DAB2IP: variants seen among roughly 807,000 people sequenced by gnomAD.
The protein encoded by DAB2IP is DAB2 interacting protein.
Under a neutral mutation model 107.2 loss-of-function variants are expected in DAB2IP, and 28 were observed. The observed-to-expected ratio is 0.26, with a 90% CI of 0.19 to 0.36. The LOEUF (loss-of-function observed/expected upper bound fraction) is 0.36, where lower values mean the gene tolerates loss of function less well. Among genes scored for constraint, DAB2IP ranks in the 10% least tolerant of loss-of-function variants. DAB2IP has a pLI of 1.00. For missense variants in DAB2IP, 1,400 were observed against 1,644.7 expected (o/e 0.85, Z 2.57); for synonymous variants, 755 against 706.4 (o/e 1.07, Z -1.09).
chr9:121,762,901 G>A (rs1833995571), intron 6 of DAB2IP, among the ~76,000 whole-genome samples: 2 of 152,220 alleles, frequency 1.3e-5, no homozygotes, highest in African/African-American at 4.8e-5. Flanking sequence ...CTGCTACCCT[G>A]GATTGCCAGG....
intron 10 of DAB2IP, among the ~76,000 whole-genome samples, chr9:121,770,049 G>T (rs932320985): frequency 4.6e-5 from 7 of 152,240 alleles, no homozygotes; most frequent in African/African-American, 1.7e-4. Context: ...GTTCAGATGG[G>T]TTCAGGCACT....
Position 121,776,192 on chromosome 9 carries a change from TG to T in DAB2IP, c.3121-4del. Reference sequence around the variant, plus strand: ...GCTGTGCCCGTGGACGCTGCCCTCCTGGTAGGACCTGGCGGTGCTGCAGGAC... The same window carrying T: ...GCTGTGCCCGTGGACGCTGCCCTCCTGTAGGACCTGGCGGTGCTGCAGGAC... On this transcript the variant is annotated splice_region_variant and splice_polypyrimidine_tract_variant and intron_variant, in intron 13 of 15. Transcript: ENST00000408936. The surrounding 1 kb of genome is among the most constrained non-coding windows in gnomAD (Gnocchi z 5.4). 1 of 1,568,326 alleles carries T rather than the reference TG, an allele frequency of 6.4e-7. No homozygotes were observed. Among genetic ancestry groups the T allele is most frequent in the East Asian group, 2.3e-5 (1 of 42,624 alleles).
intron 1 of DAB2IP, among the ~76,000 whole-genome samples, chr9:121,586,256 C>T (rs1830310307): frequency 6.6e-6 from 1 of 152,196 alleles, no homozygotes; most frequent in African/African-American, 2.4e-5. Flanking sequence ...CCGAACACAG[C>T]CATGAATCCT....
At chr9:121,644,062 T>A (rs879545575) in intron 1 of DAB2IP, among the ~76,000 whole-genome samples, 6 of 151,992 alleles carry the variant, frequency 3.9e-5, no homozygotes, top group Non-Finnish European at 7.4e-5. Flanking sequence ...TCCTAGCTGC[T>A]CGGGAGGCTG....
At chr9:121,640,625 C>G (rs1168215677) in intron 1 of DAB2IP, among the ~76,000 whole-genome samples, 1 of 152,160 alleles carries the variant, frequency 6.6e-6, no homozygotes, top group Non-Finnish European at 1.5e-5. Context: ...TCCCCAAGTT[C>G]AGCATCAGAG....
intron 1 of DAB2IP, among the ~76,000 whole-genome samples, chr9:121,645,372 A>C (rs1259130418): frequency 6.6e-6 from 1 of 152,166 alleles, no homozygotes; most frequent in Non-Finnish European, 1.5e-5. Context: ...CCTCAACTTC[A>C]GGGCAGCCAG....
Position 121,728,027 on chromosome 9 carries a change from G to T in DAB2IP, c.362+28569G>T, listed in dbSNP as rs145836725. Among the ~76,000 whole-genome samples, 5 of 152,294 alleles carry T rather than the reference G, an allele frequency of 3.3e-5. No homozygotes were observed. In the East Asian group the frequency reaches 9.7e-4, roughly 29 times the overall value. Reference sequence around the variant, plus strand: ...TTTCATAAGCACCTGTTGTCTGCCTGGGTCTTTTTTGGGCTCAGGGCATAC... The same window carrying T: ...TTTCATAAGCACCTGTTGTCTGCCTTGGTCTTTTTTGGGCTCAGGGCATAC... On this transcript the variant is annotated intron_variant, in intron 3 of 15. Transcript: ENST00000408936.
chr9:121,615,245 G>A (rs1424539684), intron 1 of DAB2IP, among the ~76,000 whole-genome samples: 2 of 152,154 alleles, frequency 1.3e-5, no homozygotes, highest in Non-Finnish European at 2.9e-5. Context: ...TACCTGTTTT[G>A]TATAGTACCA....
At chr9:121,780,594 C>T (rs1588022468) in intron 14 of DAB2IP, among the ~76,000 whole-genome samples, 1 of 152,096 alleles carries the variant, frequency 6.6e-6, no homozygotes, top group East Asian at 1.9e-4. Context: ...AGGCCAAAGC[C>T]CTGTGGACCC....
intron 1 of DAB2IP, among the ~76,000 whole-genome samples, chr9:121,636,520 G>A (rs760765602): frequency 3.3e-5 from 5 of 152,152 alleles, no homozygotes; most frequent in Non-Finnish European, 5.9e-5. Context: ...GTGCCCCTAC[G>A]CCCAGTTCTC....
intron 1 of DAB2IP, among the ~76,000 whole-genome samples, chr9:121,672,434 C>G (rs1012735332): frequency 6.6e-6 from 1 of 152,226 alleles, no homozygotes; most frequent in African/African-American, 2.4e-5. Flanking sequence ...AAGTAACAGT[C>G]ATCCTTCATG....
chr9:121,775,982 G>T (rs1320407763), intron 13 of DAB2IP, among the ~76,000 whole-genome samples: 1 of 152,206 alleles, frequency 6.6e-6, no homozygotes, highest in East Asian at 1.9e-4. Flanking sequence ...TGGGAGTTTG[G>T]AGTGGAGGCC....
At chr9:121,775,341 G>A (rs1835123363) in intron 13 of DAB2IP, among the ~76,000 whole-genome samples, 1 of 152,138 alleles carries the variant, frequency 6.6e-6, no homozygotes, top group African/African-American at 2.4e-5. Context: ...TCCTGCCACC[G>A]CCACCATCCC....
intron 1 of DAB2IP, among the ~76,000 whole-genome samples, chr9:121,673,899 A>G (rs7029004): frequency 0.099 from 15,017 of 151,992 alleles, 1,202 homozygotes; most frequent in African/African-American, 0.22. Flanking sequence ...TCCATGGGTG[A>G]CTCCCAGGCA....
intron 8 of DAB2IP, 80 bp from the exon 9 acceptor site, chr9:121,766,399 TAGAGCCAAGGTTGGA>T: frequency 8.4e-7 from 1 of 1,190,696 alleles, no homozygotes; most frequent in Non-Finnish European, 1.2e-6. Flanking sequence ...GCTGGCGGGG[TAGAGCCAAGGTTGGA>T]ATGCAGGTTC....
In DAB2IP at chr9:121,635,382, C is replaced by A. The variant is rs567094292; in HGVS notation, c.41-43296C>A. 6.6e-6 allele frequency among the ~76,000 whole-genome samples: 1 copy of A among 151,968 alleles called. No homozygotes were observed. Among genetic ancestry groups the A allele is most frequent in the South Asian group, 2.1e-4 (1 of 4,828 alleles). ...ATTTTACCACCAGGAGCACCAAGTT[C>A]TAGAGTAAATCTGTGAAGGGCTCAC... On this transcript the variant is annotated intron_variant, in intron 1 of 16. Transcript: ENST00000259371. The surrounding 1 kb of genome is among the most constrained non-coding windows in gnomAD (Gnocchi z 4.3).
At chr9:121,731,408 T>C (rs1407834161) in intron 3 of DAB2IP, among the ~76,000 whole-genome samples, 2 of 151,940 alleles carry the variant, frequency 1.3e-5, no homozygotes, top group Non-Finnish European at 2.9e-5. Context: ...CGGAATGGAG[T>C]CTAGAGAAAC....
rs146457587 is a variant in DAB2IP, at chr9:121,707,826, C to T, written c.362+8368C>T. 3.3e-5 allele frequency among the ~76,000 whole-genome samples: 5 copies of T among 152,308 alleles called. No individual in the cohort carries two copies. The East Asian group carries it at 9.7e-4, about 29-fold the overall frequency. The stretch of plus-strand genomic sequence containing the variant: ...GAGCCTCAACAATTACTGTTTCTGG[C>T]TTGGGAGGAGATTGATTAATAGATT... On this transcript the variant is annotated intron_variant, in intron 3 of 15. Transcript: ENST00000408936.
intron 2 of DAB2IP, among the ~76,000 whole-genome samples, chr9:121,685,368 G>A (rs1395439138): frequency 6.6e-6 from 1 of 152,220 alleles, no homozygotes; most frequent in Non-Finnish European, 1.5e-5. Flanking sequence ...GGGGACAGGG[G>A]GTCTTGGAGC....
Sources: allele counts gnomAD v4.1 joint callset (sites outside exome capture counted in the v4.1 genomes callset), GRCh38; gene constraint gnomAD v4.1.1; non-coding constraint Gnocchi (gnomAD v3.1); transcripts MANE v1.5; gene names NCBI Gene and HGNC (gene_info 2026-07-23, HGNC 2026-07-21).